Variants in STX2 observed in about 807,000 individuals in gnomAD.
STX2 encodes syntaxin 2.
STX2 carries 27 observed loss-of-function variants against 40.6 expected under a neutral mutation model. The observed-to-expected ratio is 0.66, with a 90% CI of 0.49 to 0.92. The LOEUF is 0.92. Among genes scored for constraint, STX2 ranks in the 40% least tolerant of loss-of-function variants. STX2 has a pLI of 0.00. For synonymous variants in STX2, 123 were observed against 119.1 expected (o/e 1.03, Z -0.22); for missense variants, 328 against 366.1 (o/e 0.90, Z 0.85).
At chr12:130,812,660 T>C (rs531742836) in intron 4 of STX2, 143 of 308,466 alleles carry the variant, frequency 4.6e-4, no homozygotes, top group Admixed American at 1.1e-3. Flanking sequence ...TACAGAAAGT[T>C]TGAAAGAAAT....
chr12:130,812,988 TTTC>T lies in STX2; in HGVS notation c.246_248del (p.Lys83del). The T allele has an allele frequency of 6.5e-7, 1 of 1,550,116 alleles. No homozygotes were observed. The highest frequency in any genetic ancestry group is 8.6e-7 in the Non-Finnish European group (1 of 1,156,532). On this transcript the variant is annotated inframe_deletion, in exon 4 of 11. Transcript: ENST00000392373. ...ACTTGGCTCGAATTTTATTCGCAGTTTTCTTGATTTCTTTGTTCAGATCTTCAA... is the reference window on the plus strand; with the variant it reads ...ACTTGGCTCGAATTTTATTCGCAGTTTTGATTTCTTTGTTCAGATCTTCAA...
chr12:130,793,568 G>C (rs1259281924), intron 10 of STX2, among the ~76,000 whole-genome samples: 2 of 152,184 alleles, frequency 1.3e-5, no homozygotes, highest in Admixed American at 1.3e-4. Flanking sequence ...TCAACTACAT[G>C]GAGTCTAGGG....
At chr12:130,804,491 T>G (rs1055356883) in intron 6 of STX2, among the ~76,000 whole-genome samples, 27 of 152,106 alleles carry the variant, frequency 1.8e-4, no homozygotes, top group African/African-American at 5.8e-4. Flanking sequence ...CCAAGTGTTG[T>G]CAAGCAAGTC....
intron 6 of STX2, among the ~76,000 whole-genome samples, chr12:130,806,687 G>A (rs561317426): frequency 8.5e-5 from 13 of 152,230 alleles, no homozygotes; most frequent in East Asian, 3.9e-4. Flanking sequence ...AGGGCAGGGC[G>A]GGACTGAGGA....
intron 1 of STX2, among the ~76,000 whole-genome samples, 185 bp from the exon 2 acceptor site, chr12:130,827,452 C>G (rs778681030): frequency 1.3e-5 from 2 of 152,316 alleles, no homozygotes; most frequent in South Asian, 2.1e-4. Flanking sequence ...CACAACAGAT[C>G]CTGGCTGAAG....
At chr12:130,796,396 G>T (rs888193577) in intron 9 of STX2, among the ~76,000 whole-genome samples, 1 of 152,138 alleles carries the variant, frequency 6.6e-6, no homozygotes. Flanking sequence ...TGTGGCAGGA[G>T]AATCACTTGA....
In STX2 at chr12:130,801,223, A is replaced by G. The variant is rs776908920; in HGVS notation, c.605T>C (p.Met202Thr). ...CTCTCGGATGCTGGTCTCCAGCTTC[A>G]TGATGTCCTTGTGACGTGACTCGAT... ...NEIESRHKDI[M>T]KLETSIRELH... The change falls in exon 8 of 11, where the codon ATG becomes ACG. Residue 202 changes from methionine to threonine, a missense_variant. Transcript: ENST00000392373. 2.5e-6 allele frequency: 4 copies of G among 1,614,096 alleles called. No individual in the cohort carries two copies. Among genetic ancestry groups the G allele is most frequent in the South Asian group, 1.1e-5 (1 of 91,016 alleles).
intron 10 of STX2, among the ~76,000 whole-genome samples, chr12:130,794,961 C>T (rs894687799): frequency 2.0e-5 from 3 of 152,184 alleles, no homozygotes; most frequent in African/African-American, 7.2e-5. Flanking sequence ...CCACCTGTAA[C>T]ACACCGACAG....
At chr12:130,832,532 T>A (rs1460138525) in intron 1 of STX2, among the ~76,000 whole-genome samples, 1 of 152,120 alleles carries the variant, frequency 6.6e-6, no homozygotes, top group African/African-American at 2.4e-5. Context: ...GCCCCCAGCA[T>A]GGCACATGGA....
chr12:130,805,809 G>A (rs994628071), intron 6 of STX2, among the ~76,000 whole-genome samples: 2 of 152,142 alleles, frequency 1.3e-5, no homozygotes, highest in Non-Finnish European at 1.5e-5. Flanking sequence ...ACAAAGTAAC[G>A]TTCACAATGT....
At chr12:130,812,120 T>C (rs1951681802) in intron 4 of STX2, 2 of 241,832 alleles carry the variant, frequency 8.3e-6, no homozygotes, top group Admixed American at 5.5e-5. Flanking sequence ...GAGAATCTCA[T>C]TTTTAAAAGC....
In STX2 at chr12:130,791,311, G is replaced by A. The variant is rs1950870254; in HGVS notation, c.*712C>T. On this transcript the variant is annotated 3_prime_UTR_variant, in exon 11 of 11. Transcript: ENST00000392373. ...CTGAGGTGGGTGGATCACAAGGTCAGGAGTTTGAGGCCAGCCTGGCCAGCA... is the reference window on the plus strand; with the variant it reads ...CTGAGGTGGGTGGATCACAAGGTCAAGAGTTTGAGGCCAGCCTGGCCAGCA... 6.6e-6 allele frequency: 1 copy of A among 152,144 alleles called. No individual in the cohort carries two copies. The highest frequency in any genetic ancestry group is 2.1e-4 in the South Asian group (1 of 4,824). The allele number at this position is 152,144 out of a possible 1,614,324, so 9.4% of individuals were successfully genotyped here. A position where few individuals can be genotyped will look rare whatever the true frequency, so the allele number is the denominator to read the frequency against.
intron 3 of STX2, among the ~76,000 whole-genome samples, chr12:130,819,330 TCTTC>T (rs1385385376): frequency 1.0e-4 from 7 of 67,812 alleles, no homozygotes; most frequent in Non-Finnish European, 2.2e-4. Context: ...CACCCTCCCC[TCTTC>T]CTTTAGGAAC....
At chr12:130,804,637 T>G (rs201970477) in intron 6 of STX2, among the ~76,000 whole-genome samples, 232 of 152,206 alleles carry the variant, frequency 1.5e-3, no homozygotes, top group Non-Finnish European at 2.7e-3. Flanking sequence ...AGCCAATGTT[T>G]CCTTCGAGAA....
At chr12:130,812,877 G>C (rs555591995) in intron 4 of STX2, 80 bp downstream of exon 4, 2 of 1,015,438 alleles carry the variant, frequency 2.0e-6, no homozygotes, top group South Asian at 3.0e-5. Context: ...AAATGTAAAA[G>C]AACAAAAACC....
chr12:130,802,788 C>T (rs1407604878), intron 6 of STX2, among the ~76,000 whole-genome samples: 3 of 152,152 alleles, frequency 2.0e-5, no homozygotes, highest in African/African-American at 7.2e-5. Flanking sequence ...TACATGTGAG[C>T]CACCACACCC....
chr12:130,832,685 T>C (rs1159108600), intron 1 of STX2, among the ~76,000 whole-genome samples: 4 of 152,150 alleles, frequency 2.6e-5, no homozygotes, highest in Non-Finnish European at 5.9e-5. Flanking sequence ...GGGCAGCCCC[T>C]TACACCAGGC....
At chr12:130,833,552 A>G (rs1952652208) in intron 1 of STX2, among the ~76,000 whole-genome samples, 1 of 151,890 alleles carries the variant, frequency 6.6e-6, no homozygotes, top group South Asian at 2.1e-4. Context: ...CAGAGATTAC[A>G]GGCACCTACC....
At chr12:130,808,766 C>T (rs544142983) in intron 4 of STX2, 62 bp from the exon 5 acceptor site, 2 of 1,342,708 alleles carry the variant, frequency 1.5e-6, no homozygotes, top group Non-Finnish European at 2.1e-6. Context: ...CCAAGCCTGA[C>T]TTCAAATTCC....
Sources: allele counts gnomAD v4.1 joint callset (sites outside exome capture counted in the v4.1 genomes callset), GRCh38; gene constraint gnomAD v4.1.1; transcripts MANE v1.5; gene names NCBI Gene and HGNC (gene_info 2026-07-23, HGNC 2026-07-21).